TSC22D2: variants seen among roughly 807,000 people sequenced by gnomAD.
TSC22D2 encodes TSC22 domain family protein 2.
In TSC22D2, 5 loss-of-function variants were observed where a neutral mutation model predicts 50.1. The observed-to-expected ratio is 0.10, with a 90% CI of 0.05 to 0.21. The LOEUF (loss-of-function observed/expected upper bound fraction) is 0.21. Among genes scored for constraint, TSC22D2 ranks in the 10% least tolerant of loss-of-function variants. The pLI, the probability that TSC22D2 is intolerant of heterozygous loss-of-function variation, is 1.00. For synonymous variants in TSC22D2, 501 were observed against 450.1 expected, an observed-to-expected ratio of 1.11 and a Z score of -1.43; for missense variants, 1,003 against 1,015.5, an observed-to-expected ratio of 0.99 and a Z score of 0.17.
chr3:150,422,744 T>C (rs1720055157), intron 1 of TSC22D2, among the ~76,000 whole-genome samples: 1 of 152,238 alleles, frequency 6.6e-6, no homozygotes, highest in East Asian at 1.9e-4. Flanking sequence ...TTGATTAGGC[T>C]ATGAATTTGT....
At chr3:150,453,232 A>G (rs1282145672) in intron 1 of TSC22D2, among the ~76,000 whole-genome samples, 1 of 152,206 alleles carries the variant, frequency 6.6e-6, no homozygotes, top group Admixed American at 6.5e-5. Flanking sequence ...GCTGAATATA[A>G]TAATTAAAAA....
Position 150,466,367 on chromosome 3 carries a change from T to G in TSC22D2, c.*7731T>G, listed in dbSNP as rs149500744. On this transcript the variant is annotated 3_prime_UTR_variant, in exon 3 of 3. Coordinates refer to ENST00000688009, the MANE Select transcript of TSC22D2 (RefSeq NM_001303264.2). ...CTGTAATGTTTGATGTTTTTGAATA[T>G]GCATTTATGTATTGTTTGTGTAATG... is the stretch of plus-strand genomic sequence containing the variant. 1 of 152,206 alleles carries G rather than the reference T, an allele frequency of 6.6e-6. No homozygotes were observed. Among genetic ancestry groups the G allele is most frequent in the Non-Finnish European group, 1.5e-5 (1 of 68,042 alleles). 9.4% of individuals were successfully genotyped at this position (152,206 alleles called of 1,614,324 possible).
intron 1 of TSC22D2, among the ~76,000 whole-genome samples, chr3:150,413,590 TAAA>T (rs200133245): frequency 3.6e-5 from 5 of 138,016 alleles, no homozygotes; most frequent in East Asian, 2.0e-4. Context: ...AAGCTTTGGT[TAAA>T]AAAAAAAAAA....
intron 1 of TSC22D2, among the ~76,000 whole-genome samples, chr3:150,435,915 AG>A (rs10706293): frequency 0.38 from 57,599 of 151,890 alleles, 11,319 homozygotes; most frequent in Middle Eastern, 0.54. Flanking sequence ...TGATAATATT[AG>A]TACAGTTTTC....
chr3:150,438,860 C>G (rs954772072), intron 1 of TSC22D2, among the ~76,000 whole-genome samples: 2 of 151,886 alleles, frequency 1.3e-5, no homozygotes, highest in African/African-American at 2.4e-5. Context: ...TTGAGAATAC[C>G]TAAGATGCCA....
At chr3:150,437,290 C>G (rs1479481306) in intron 1 of TSC22D2, among the ~76,000 whole-genome samples, 2 of 151,994 alleles carry the variant, frequency 1.3e-5, no homozygotes, top group African/African-American at 4.8e-5. Flanking sequence ...CTTCCGTGCC[C>G]ATATACAGGT....
In TSC22D2 at chr3:150,409,445, G is replaced by T; in HGVS notation, c.95G>T (p.Ser32Ile). Residue 32 changes from serine to isoleucine, a missense_variant, in exon 1 of 3, where the codon AGC becomes ATC. By Grantham distance (142) the Ser-to-Ile change is moderately radical (BLOSUM62 -2). Transcript: ENST00000688009. This position sits in a 1 kb window ranked among gnomAD's most constrained non-coding sequence, Gnocchi z 7.4. ...VATSITEDTE[S>I]LDDPDESRTE... ...ACTAGCATCACCGAGGACACCGAGA[G>T]CTTGGACGACCCGGACGAGTCACGC... 1.2e-6 allele frequency: 2 copies of T among 1,613,604 alleles called. No individual in the cohort carries two copies. Among genetic ancestry groups the T allele is most frequent in the Non-Finnish European group, 1.7e-6 (2 of 1,179,904 alleles).
chr3:150,434,740 T>C (rs143969745), intron 1 of TSC22D2, among the ~76,000 whole-genome samples: 80 of 152,248 alleles, frequency 5.3e-4, no homozygotes, highest in African/African-American at 1.9e-3. Context: ...GTGTTTCTTC[T>C]ACCAATAGGT....
intron 1 of TSC22D2, among the ~76,000 whole-genome samples, chr3:150,440,124 C>T (rs973114239): frequency 1.3e-5 from 2 of 152,164 alleles, no homozygotes; most frequent in African/African-American, 4.8e-5. Flanking sequence ...AAGTAACTTG[C>T]TCAAGTCGCA....
intron 1 of TSC22D2, among the ~76,000 whole-genome samples, chr3:150,422,345 G>A (rs1179615784): frequency 1.3e-5 from 2 of 152,166 alleles, no homozygotes; most frequent in Non-Finnish European, 2.9e-5. Context: ...TAGTCCAGAA[G>A]AGCCCATCAG....
At chr3:150,414,526 C>CAAAA (rs1719727012) in intron 1 of TSC22D2, among the ~76,000 whole-genome samples, 1 of 152,050 alleles carries the variant, frequency 6.6e-6, no homozygotes, top group Admixed American at 6.5e-5. Flanking sequence ...CATCTGTGGC[C>CAAAA]AAAAGACTGT....
chr3:150,458,108 T>A (rs76650357), intron 2 of TSC22D2, among the ~76,000 whole-genome samples: 5 of 151,808 alleles, frequency 3.3e-5, no homozygotes, highest in East Asian at 1.9e-4. Context: ...TTTTTTTTTT[T>A]AATTCTAAGC....
chr3:150,459,467 C>T lies in TSC22D2; in HGVS notation c.*831C>T, dbSNP rs995156739. The T allele has an allele frequency of 6.6e-6, 1 of 151,848 alleles. No individual in the cohort carries two copies. The allele number at this position is 151,848 out of a possible 1,614,324, so 9.4% of individuals were successfully genotyped here. A position where few individuals can be genotyped will look rare whatever the true frequency, so the allele number is the denominator to read the frequency against. On this transcript the variant is annotated 3_prime_UTR_variant, in exon 3 of 3. Coordinates refer to ENST00000688009, the MANE Select transcript of TSC22D2 (RefSeq NM_001303264.2). The stretch of plus-strand genomic sequence containing the variant: ...ACGATTCCTCTGCTTTTCAACATTT[C>T]GTATGACTTTTTTTTCGGGTGGGAA...
rs1295831460 is a variant in TSC22D2, at chr3:150,462,919, G to C, written c.*4283G>C. ...CTCCCAAAGTGTTGGGATTACAGGCGTGAGCCACCGCACCCAGCTGCCTAT... is the reference window on the plus strand; with the variant it reads ...CTCCCAAAGTGTTGGGATTACAGGCCTGAGCCACCGCACCCAGCTGCCTAT... On this transcript the variant is annotated 3_prime_UTR_variant, in exon 3 of 3. Coordinates refer to ENST00000688009, the MANE Select transcript of TSC22D2 (RefSeq NM_001303264.2). 5 of 152,250 alleles carry C rather than the reference G, an allele frequency of 3.3e-5. No homozygotes were observed. The highest frequency in any genetic ancestry group is 7.3e-5 in the Non-Finnish European group (5 of 68,114). The allele number at this position is 152,250 out of a possible 1,614,324, so 9.4% of individuals were successfully genotyped here.
chr3:150,424,879 G>C (rs1459132614), intron 1 of TSC22D2, among the ~76,000 whole-genome samples: 3 of 152,208 alleles, frequency 2.0e-5, no homozygotes, highest in Non-Finnish European at 4.4e-5. Context: ...AATGGAAACT[G>C]ACTAGTGGCT....
At chr3:150,426,178 A>G (rs1340511037) in intron 1 of TSC22D2, among the ~76,000 whole-genome samples, 1 of 152,216 alleles carries the variant, frequency 6.6e-6, no homozygotes, top group Non-Finnish European at 1.5e-5. Context: ...GCAGTAGCCC[A>G]AACTGTTTTG....
intron 1 of TSC22D2, among the ~76,000 whole-genome samples, chr3:150,450,079 A>G (rs1720996821): frequency 6.6e-6 from 1 of 152,118 alleles, no homozygotes; most frequent in African/African-American, 2.4e-5. Context: ...TACAGATGAT[A>G]AGACTGACTC....
rs575764043 is a variant in TSC22D2, at chr3:150,457,192, G to A, written c.2010+65G>A. On this transcript the variant is annotated intron_variant, in intron 2 of 2. Transcript: ENST00000688009. ...TGGTTGTATGGAACACTTAGCTTTT[G>A]TCAGTTTTAGAAAACAAATAAGTTA... The A allele has an allele frequency of 1.6e-5, 23 of 1,442,018 alleles. No individual in the cohort carries two copies. The South Asian group carries it at 2.9e-4, about 18-fold the overall frequency. The allele number at this position is 1,442,018 out of a possible 1,614,324, so 89.3% of individuals were successfully genotyped here.
At chr3:150,431,850 CTG>C (rs1321004210) in intron 1 of TSC22D2, among the ~76,000 whole-genome samples, 2 of 152,202 alleles carry the variant, frequency 1.3e-5, no homozygotes, top group East Asian at 3.9e-4. Context: ...CCTTTCTGTA[CTG>C]TGATTTTTAT....
Sources: allele counts gnomAD v4.1 joint callset (sites outside exome capture counted in the v4.1 genomes callset), GRCh38; gene constraint gnomAD v4.1.1; non-coding constraint Gnocchi (gnomAD v3.1); transcripts MANE v1.5; gene names NCBI Gene and HGNC (gene_info 2026-07-23, HGNC 2026-07-21).